Variants in PHRF1 observed in about 807,000 individuals in gnomAD.
PHRF1 encodes PHD and ring finger domains 1.
PHRF1 carries 53 observed loss-of-function variants against 128.9 expected under a neutral mutation model. The observed-to-expected ratio is 0.41, with a 90% CI of 0.33 to 0.52. PHRF1 has a LOEUF of 0.52. Ranked by LOEUF, PHRF1 falls within the 20% of genes least tolerant of loss-of-function variation. The pLI is 0.21. For missense variants in PHRF1, 2,503 were observed against 2,284.5 expected, an observed-to-expected ratio of 1.10 and a Z score of -1.95; for synonymous variants, 1,178 against 980.6, an observed-to-expected ratio of 1.20 and a Z score of -3.76.
chr11:606,872 C>A, intron 13 of PHRF1, 194 bp from the exon 14 acceptor site: 1 of 1,015,788 alleles, frequency 9.8e-7, no homozygotes, highest in Non-Finnish European at 1.4e-6. Context: ...GCCTCAGGCA[C>A]TGTACTTTGT....
In PHRF1 at chr11:593,240, C is replaced by T. The variant is rs1009107117; in HGVS notation, c.620+566C>T. ...AGATGCCCCCTTCCCCGTTAGCCTC[C>T]TGCGAGGGGCTTTCCCTGTTGATTT... is the stretch of plus-strand genomic sequence containing the variant. On this transcript the variant is annotated intron_variant, in intron 6 of 17. Coordinates refer to ENST00000264555, the MANE Select transcript of PHRF1 (RefSeq NM_001286581.2). Among the ~76,000 whole-genome samples, 3 of 152,246 alleles carry T rather than the reference C, an allele frequency of 2.0e-5. No homozygotes were observed. The South Asian group carries it at 6.2e-4, about 31-fold the overall frequency.
In PHRF1 at chr11:608,524, C is replaced by G. The variant is rs776254443; in HGVS notation, c.3068C>G (p.Ser1023Cys). The G allele has an allele frequency of 2.5e-6, 4 of 1,609,150 alleles. No individual in the cohort carries two copies. In the Admixed American group the frequency reaches 5.0e-5, roughly 20 times the overall value. Reference protein sequence around the residue: ...EHGRTRSGTRSESRDRSSRSA... With the variant: ...EHGRTRSGTRCESRDRSSRSA... ...GGACGGACGCGCTCTGGGACGCGCT[C>G]TGAATCCAGGGACAGGAGCTCGAGG... is the stretch of plus-strand genomic sequence containing the variant. The change falls in exon 14 of 18, where the codon TCT becomes TGT. Residue 1023 changes from serine to cysteine, a missense_variant. Physicochemically the swap from Ser to Cys is moderately radical, Grantham distance 112 (BLOSUM62 -1). Coordinates refer to ENST00000264555, the MANE Select transcript of PHRF1 (RefSeq NM_001286581.2).
chr11:608,282 TGAG>T lies in PHRF1; in HGVS notation c.2832_2834del (p.Glu944del), dbSNP rs1385890970. 3 of 1,609,820 alleles carry T rather than the reference TGAG, an allele frequency of 1.9e-6. No individual in the cohort carries two copies. The highest frequency in any genetic ancestry group is 2.2e-5 in the East Asian group (1 of 44,806). On this transcript the variant is annotated inframe_deletion, in exon 14 of 18. Coordinates refer to ENST00000264555, the MANE Select transcript of PHRF1 (RefSeq NM_001286581.2). ...GGCCATCCCCCCCAGAGCCCTGGGA[TGAG>T]GAGGATGGGGCGTCTTGCAGCACCT... is the stretch of plus-strand genomic sequence containing the variant.
At chr11:611,512 C>G in intron 17 of PHRF1, 122 bp from the exon 18 acceptor site, 1 of 1,385,326 alleles carries the variant, frequency 7.2e-7, no homozygotes, top group Non-Finnish European at 9.8e-7. Flanking sequence ...CGTCTGTCTG[C>G]GTGCTGCACC....
intron 4 of PHRF1, among the ~76,000 whole-genome samples, chr11:588,137 C>T (rs1854694570): frequency 6.6e-6 from 1 of 152,156 alleles, no homozygotes. Context: ...CCCGTGCTGT[C>T]CCCGGCTCTC....
intron 17 of PHRF1, among the ~76,000 whole-genome samples, 177 bp downstream of exon 17, chr11:611,259 C>T (rs1407320690): frequency 1.3e-5 from 2 of 152,214 alleles, no homozygotes; most frequent in East Asian, 1.9e-4. Flanking sequence ...GCCTGTTCGC[C>T]TGTGGCTGCC....
chr11:609,091 G>T lies in PHRF1; in HGVS notation c.3635G>T (p.Gly1212Val). Residue 1212 changes from glycine to valine, a missense_variant, in exon 14 of 18, where the codon GGG becomes GTG. Gly to Val is a moderately radical substitution (Grantham distance 109, BLOSUM62 -3). Coordinates refer to ENST00000264555, the MANE Select transcript of PHRF1 (RefSeq NM_001286581.2). The stretch of plus-strand genomic sequence containing the variant: ...GCGCCCCTTGCACAGGGGGAGCCAG[G>T]GCGGGAAGACCTCCCCACCAGGTTG... ...SPAPLAQGEP[G>V]REDLPTRLPA... 6.2e-7 allele frequency: 1 copy of T among 1,604,018 alleles called. No individual in the cohort carries two copies. Among genetic ancestry groups the T allele is most frequent in the Non-Finnish European group, 8.5e-7 (1 of 1,175,998 alleles).
rs746182639 is a variant in PHRF1, at chr11:582,016, A to G, written c.149A>G (p.His50Arg). The G allele has an allele frequency of 4.4e-6, 7 of 1,608,704 alleles. No homozygotes were observed. The highest frequency in any genetic ancestry group is 5.9e-6 in the Non-Finnish European group (7 of 1,177,648). The change falls in exon 3 of 18, where the codon CAT (histidine) becomes CGT (arginine). Residue 50 changes from histidine to arginine, a missense_variant. By Grantham distance (29) the His-to-Arg change is conservative (BLOSUM62 0). Transcript: ENST00000264555. Reference protein sequence around the residue: ...GDSGDDSDSEHGDGTDGEDEG... With the variant: ...GDSGDDSDSERGDGTDGEDEG... ...TCTGGGGACGACAGTGACAGCGAGC[A>G]TGGAGATGGCACAGACGGAGAAGAC...
Position 609,769 on chromosome 11 carries a change from G to T in PHRF1, c.4264+49G>T, listed in dbSNP as rs58041097. ...CGAGGACAGAGCCCCCAGTGAGTAAGGCCCTGGCCCCCGCCGAGGACAGAG... is the reference window on the plus strand; with the variant it reads ...CGAGGACAGAGCCCCCAGTGAGTAATGCCCTGGCCCCCGCCGAGGACAGAG... On this transcript the variant is annotated intron_variant, in intron 14 of 17. Coordinates refer to ENST00000264555, the MANE Select transcript of PHRF1 (RefSeq NM_001286581.2). 7.0e-4 allele frequency: 917 copies of T among 1,304,358 alleles called. 46 individuals are homozygous for T. The African/African-American group carries it at 0.012, about 18-fold the overall frequency. 80.8% of individuals were successfully genotyped at this position (1,304,358 alleles called of 1,614,324 possible).
intron 9 of PHRF1, among the ~76,000 whole-genome samples, chr11:598,737 G>A (rs1261543356): frequency 1.3e-5 from 2 of 152,250 alleles, no homozygotes; most frequent in South Asian, 2.1e-4. Flanking sequence ...CGGCCTTCCC[G>A]CATTGTTCCC....
At chr11:593,603 T>A (rs990229187) in intron 6 of PHRF1, among the ~76,000 whole-genome samples, 1 of 152,264 alleles carries the variant, frequency 6.6e-6, no homozygotes, top group Non-Finnish European at 1.5e-5. Flanking sequence ...CTGTTGTTGG[T>A]GCAGGAATCG....
rs370882469 is a variant in PHRF1, at chr11:582,091, C to T, written c.214+10C>T. ...CTGGAAGACAGATCTGGTGAGACAG[C>T]TGGTGTTCACGCCGGCTCCTGTGTT... On this transcript the variant is annotated intron_variant, in intron 3 of 17. Coordinates refer to ENST00000264555, the MANE Select transcript of PHRF1 (RefSeq NM_001286581.2). The T allele has an allele frequency of 1.3e-6, 2 of 1,580,422 alleles. No individual in the cohort carries two copies. The highest frequency in any genetic ancestry group is 1.7e-6 in the Non-Finnish European group (2 of 1,163,482).
Position 611,838 on chromosome 11 carries a change from G to A in PHRF1, c.*61G>A. 1.3e-6 allele frequency: 2 copies of A among 1,530,774 alleles called. No homozygotes were observed. Among genetic ancestry groups the A allele is most frequent in the Non-Finnish European group, 1.8e-6 (2 of 1,141,758 alleles). 94.8% of individuals were successfully genotyped at this position (1,530,774 alleles called of 1,614,324 possible). A position where few individuals can be genotyped will look rare whatever the true frequency, so the allele number is the denominator to read the frequency against. On this transcript the variant is annotated 3_prime_UTR_variant, in exon 18 of 18. Transcript: ENST00000264555. ...CGGGAGTGGCGGGAATCGGGGCCAT[G>A]CCCGGGGAGCTGTCGGGAGTGGCGG...
chr11:605,715 G>T lies in PHRF1; in HGVS notation c.1445G>T (p.Gly482Val). 6.2e-7 allele frequency: 1 copy of T among 1,610,702 alleles called. No individual in the cohort carries two copies. Reference sequence around the variant, plus strand: ...CCCGTGGCCAGGCCCGTCTCCGTGGGGCTTTCCAGGTGTGTGAGGGCAGAG... The same window carrying T: ...CCCGTGGCCAGGCCCGTCTCCGTGGTGCTTTCCAGGTGTGTGAGGGCAGAG... ...HQPVARPVSV[G>V]LSRRRLPAAV... Residue 482 changes from glycine to valine, a missense_variant, in exon 12 of 18, where the codon GGG (glycine) becomes GTG (valine). Gly to Val is a moderately radical substitution (Grantham distance 109). Coordinates refer to ENST00000264555, the MANE Select transcript of PHRF1 (RefSeq NM_001286581.2).
intron 5 of PHRF1, 149 bp downstream of exon 5, chr11:591,616 ATGAGCCC>A: frequency 1.4e-6 from 1 of 698,262 alleles, no homozygotes; most frequent in Non-Finnish European, 2.2e-6. Context: ...CCTTGTGGCC[ATGAGCCC>A]TGTCTGGGGG....
At chr11:603,716 C>A (rs1217136030) in intron 10 of PHRF1, among the ~76,000 whole-genome samples, 1 of 146,998 alleles carries the variant, frequency 6.8e-6, no homozygotes, top group South Asian at 2.1e-4. Flanking sequence ...TATCTAAAAC[C>A]ATATTTAAGT....
chr11:599,256 T>G (rs1430683184), intron 9 of PHRF1, among the ~76,000 whole-genome samples: 1 of 142,310 alleles, frequency 7.0e-6, no homozygotes, highest in African/African-American at 2.6e-5. Context: ...TTCTTTTCTT[T>G]TTTTTTTTTT....
intron 3 of PHRF1, among the ~76,000 whole-genome samples, chr11:583,275 G>C (rs552611546): frequency 6.6e-6 from 1 of 152,048 alleles, no homozygotes; most frequent in Admixed American, 6.6e-5. Context: ...GGAGTCGGAG[G>C]TTGCAGTGAG....
intron 6 of PHRF1, among the ~76,000 whole-genome samples, chr11:595,392 C>T (rs889345495): frequency 2.0e-5 from 3 of 152,158 alleles, no homozygotes; most frequent in African/African-American, 7.2e-5. Context: ...TTTTAAGTTA[C>T]AATCTAATTT....
Sources: allele counts gnomAD v4.1 joint callset (sites outside exome capture counted in the v4.1 genomes callset), GRCh38; gene constraint gnomAD v4.1.1; transcripts MANE v1.5; gene names NCBI Gene and HGNC (gene_info 2026-07-23, HGNC 2026-07-21).